RAD17: variants seen among roughly 807,000 people sequenced by gnomAD.
RAD17 encodes cell cycle checkpoint protein RAD17.
In RAD17, 31 loss-of-function variants were observed where a neutral mutation model predicts 81.5. That is an observed-to-expected ratio of 0.38 (90% CI 0.29 to 0.51). The LOEUF (loss-of-function observed/expected upper bound fraction) is 0.51. RAD17 is among the 20% of genes least tolerant of loss of function. The pLI, the probability that RAD17 is intolerant of heterozygous loss-of-function variation, is 0.88. For missense variants in RAD17, 681 were observed against 781.2 expected, an observed-to-expected ratio of 0.87 and a Z score of 1.53; for synonymous variants, 261 against 266.2, an observed-to-expected ratio of 0.98 and a Z score of 0.19.
In RAD17 at chr5:69,389,616, G is replaced by A. The variant is rs17236380; in HGVS notation, c.1006+471G>A. 6.2e-3 allele frequency among the ~76,000 whole-genome samples: 951 copies of A among 152,272 alleles called. 7 individuals are homozygous for A. Among genetic ancestry groups the A allele is most frequent in the African/African-American group, 0.022 (900 of 41,552 alleles). On this transcript the variant is annotated intron_variant, in intron 12 of 18. Transcript: ENST00000354868. ...AGCCATTAATCAGTTTAATAATACT[G>A]TGCCGAGGTAGGTTTACTTTTGGAA...
At chr5:69,377,439 G>GTGTATA (rs1206601262) in intron 6 of RAD17, among the ~76,000 whole-genome samples, 1 of 55,486 alleles carries the variant, frequency 1.8e-5, no homozygotes, top group African/African-American at 9.8e-5. Flanking sequence ...GTGTGTGTGT[G>GTGTATA]TATATATATA....
chr5:69,382,203 ACATGGGAGGCTGAGG>A (rs979996646), intron 7 of RAD17, 146 bp downstream of exon 7: 2 of 905,936 alleles, frequency 2.2e-6, no homozygotes, highest in Admixed American at 5.9e-5. Flanking sequence ...GATGGCTGTC[ACATGGGAGGCTGAGG>A]CAGGAGGATT....
intron 6 of RAD17, 65 bp downstream of exon 6, chr5:69,374,776 TA>T: frequency 7.6e-7 from 1 of 1,318,030 alleles, no homozygotes; most frequent in Non-Finnish European, 1.1e-6. Context: ...AGTGTGTTGT[TA>T]GAAGTTAAAG....
At position 69,393,560 on chromosome 5, in the gene RAD17, A is replaced by G. The variant is rs544019542; in HGVS notation, c.1422+60A>G. On this transcript the variant is annotated intron_variant, in intron 15 of 18. Coordinates refer to ENST00000354868, the MANE Select transcript of RAD17 (RefSeq NM_133338.3). Reference sequence around the variant, plus strand: ...AGTATTTCCTTAGAATTAAGAAAAGAAAGTTTACTTTTATCCCTAATTGCC... The same window carrying G: ...AGTATTTCCTTAGAATTAAGAAAAGGAAGTTTACTTTTATCCCTAATTGCC... 4.8e-6 allele frequency: 7 copies of G among 1,471,442 alleles called. 1 individual carries two copies. In the East Asian group the frequency reaches 1.6e-4, roughly 34 times the overall value. The allele number at this position is 1,471,442 out of a possible 1,614,324, so 91.1% of individuals were successfully genotyped here.
At position 69,409,250 on chromosome 5, in the gene RAD17, G is replaced by A. The variant is rs182832389; in HGVS notation, c.1694-1243G>A. ...ACCCTCTGCTATGTAACAAGCTGGG[G>A]TAAGGGAGACTGCAGCTGGGACAGG... is the stretch of plus-strand genomic sequence containing the variant. On this transcript the variant is annotated intron_variant, in intron 17 of 18. Coordinates refer to ENST00000354868, the MANE Select transcript of RAD17 (RefSeq NM_133338.3). Among the ~76,000 whole-genome samples the A allele has an allele frequency of 2.4e-3, 372 of 152,248 alleles. 2 individuals carry two copies. Among genetic ancestry groups the A allele is most frequent in the Non-Finnish European group, 4.5e-3 (307 of 68,018 alleles).
At chr5:69,388,294 A>G (rs1209270890) in intron 11 of RAD17, among the ~76,000 whole-genome samples, 2 of 152,234 alleles carry the variant, frequency 1.3e-5, no homozygotes, top group Non-Finnish European at 2.9e-5. Flanking sequence ...ACCAGACTGT[A>G]TAATGTATAA....
At chr5:69,370,112 C>T in intron 1 of RAD17, 179 bp downstream of exon 1, 1 of 216,508 alleles carries the variant, frequency 4.6e-6, no homozygotes, top group Non-Finnish European at 9.1e-6. Flanking sequence ...CGAGCTCAAC[C>T]CGGCACCCCA....
rs1206462141 is a variant in RAD17 at position 69,393,363 on chromosome 5, G to C, written c.1285G>C (p.Glu429Gln). The stretch of plus-strand genomic sequence containing the variant: ...ATGCTTCTTTTTATAGGAGGTAGTA[G>C]AAATGTCACACATGCCTGGAGACTT... ...TLLVEPEEVV[E>Q]MSHMPGDLFN... The change falls in exon 15 of 19, where the codon GAA becomes CAA. Residue 429 changes from glutamate to glutamine, a missense_variant. Physicochemically the swap from Glu to Gln is conservative, Grantham distance 29 (BLOSUM62 2). Transcript: ENST00000354868. 6.3e-7 allele frequency: 1 copy of C among 1,591,772 alleles called. No individual in the cohort carries two copies. Among genetic ancestry groups the C allele is most frequent in the African/African-American group, 1.4e-5 (1 of 73,624 alleles).
chr5:69,407,688 T>C (rs1765710373), intron 17 of RAD17, among the ~76,000 whole-genome samples: 2 of 147,050 alleles, frequency 1.4e-5, no homozygotes, highest in South Asian at 4.5e-4. Flanking sequence ...GCAATTCTCC[T>C]GCCTCAACCC....
chr5:69,401,103 G>A (rs942017826), intron 17 of RAD17, among the ~76,000 whole-genome samples: 25 of 152,152 alleles, frequency 1.6e-4, no homozygotes, highest in Non-Finnish European at 1.3e-4. Context: ...CCAGCCACTC[G>A]GGAGGCTGAG....
intron 17 of RAD17, among the ~76,000 whole-genome samples, chr5:69,410,129 C>A (rs1271139543): frequency 6.6e-6 from 1 of 152,162 alleles, no homozygotes; most frequent in African/African-American, 2.4e-5. Flanking sequence ...ATACAAATAT[C>A]TTTTTGAGAC....
At chr5:69,412,937 A>T (rs188724478) in intron 18 of RAD17, among the ~76,000 whole-genome samples, 156 of 151,824 alleles carry the variant, frequency 1.0e-3, no homozygotes, top group Middle Eastern at 3.4e-3. Context: ...CAGTGAGCCA[A>T]GATCGTGCTA....
At chr5:69,404,636 G>A (rs577761343) in intron 17 of RAD17, among the ~76,000 whole-genome samples, 32 of 152,192 alleles carry the variant, frequency 2.1e-4, no homozygotes, top group Non-Finnish European at 4.3e-4. Flanking sequence ...GGGTGCAGTG[G>A]TGGGCGCCTG....
intron 16 of RAD17, among the ~76,000 whole-genome samples, chr5:69,399,793 AT>A (rs1049410636): frequency 3.9e-4 from 60 of 152,312 alleles, no homozygotes; most frequent in African/African-American, 9.4e-4. Context: ...TGGTTTTCTT[AT>A]ACATTCAATG....
Position 69,389,082 on chromosome 5 carries a change from T to A in RAD17, c.943T>A (p.Cys315Ser), listed in dbSNP as rs1326375300. ...TGACAAAACTTCTCTAGAGTTGCTC[T>A]GTCAGGGATGTTCTGGTGATATCAG... ...VPDKTSLELL[C>S]QGCSGDIRSA... Residue 315 changes from cysteine (C) to serine (S), a missense_variant, in exon 12 of 19, where the codon TGT becomes AGT. Transcript: ENST00000354868. 1 of 1,561,242 alleles carries A rather than the reference T, an allele frequency of 6.4e-7. No homozygotes were observed. The highest frequency in any genetic ancestry group is 8.7e-7 in the Non-Finnish European group (1 of 1,154,318).
At chr5:69,391,194 C>A (rs1426149517) in intron 12 of RAD17, among the ~76,000 whole-genome samples, 1 of 147,302 alleles carries the variant, frequency 6.8e-6, no homozygotes, top group Non-Finnish European at 1.5e-5. Context: ...CACACCACTG[C>A]ACTCCAGCCT....
intron 6 of RAD17, among the ~76,000 whole-genome samples, chr5:69,377,439 G>GTA (rs373632198): frequency 1.6e-3 from 90 of 55,486 alleles, no homozygotes; most frequent in Middle Eastern, 0.011. Flanking sequence ...GTGTGTGTGT[G>GTA]TATATATATA....
At position 69,414,620 on chromosome 5, in the gene RAD17, G is replaced by A. The variant is rs1008417794; in HGVS notation, c.*328G>A. ...CAGGATGCAAAAACGTTATTGGGGG[G>A]TTGTAAATATCAACTATTCAACAGT... On this transcript the variant is annotated 3_prime_UTR_variant, in exon 19 of 19. Coordinates refer to ENST00000354868, the MANE Select transcript of RAD17 (RefSeq NM_133338.3). The A allele has an allele frequency of 2.8e-6, 1 of 355,830 alleles. No individual in the cohort carries two copies. The highest frequency in any genetic ancestry group is 5.1e-6 in the Non-Finnish European group (1 of 194,854). 22.0% of individuals were successfully genotyped at this position (355,830 alleles called of 1,614,324 possible).
chr5:69,390,818 C>T (rs1580397619), intron 12 of RAD17, among the ~76,000 whole-genome samples: 1 of 151,160 alleles, frequency 6.6e-6, no homozygotes, highest in East Asian at 2.0e-4. Flanking sequence ...ATATAGCCAG[C>T]ATGGTGGTGC....
Sources: gnomAD v4.1 joint callset for allele counts (sites outside exome capture counted in the v4.1 genomes callset) on GRCh38, gnomAD v4.1.1 for gene constraint, MANE v1.5 for transcripts, NCBI Gene and HGNC (gene_info 2026-07-23, HGNC 2026-07-21) for gene names.